AGAP1: variants seen among roughly 807,000 people sequenced by gnomAD.
AGAP1 encodes the protein arf-GAP with GTPase, ANK repeat and PH domain-containing protein 1.
In AGAP1, 29 loss-of-function variants were observed where a neutral mutation model predicts 105.3. The observed-to-expected ratio is 0.28, with a 90% CI of 0.21 to 0.38. The LOEUF is 0.38. AGAP1 is among the 10% of genes least tolerant of loss of function. The pLI, the probability that AGAP1 is intolerant of heterozygous loss-of-function variation, is 1.00. For missense variants in AGAP1, 998 were observed against 1,165.1 expected (o/e 0.86, Z 2.09); for synonymous variants, 509 against 485.9 (o/e 1.05, Z -0.63).
chr2:235,708,811 A>G (rs958899000), intron 1 of AGAP1, among the ~76,000 whole-genome samples: 11 of 152,222 alleles, frequency 7.2e-5, no homozygotes, highest in African/African-American at 9.6e-5. Flanking sequence ...TCGGAAAGCT[A>G]GGTGTGTCCT....
rs960007815 is a variant in AGAP1, at chr2:235,609,869, G to A, written c.164-99310G>A. ...TCTTGGCTTCGTGTTTCAGAGGTTG[G>A]TAAATGGAGTCTTGCTCGCCAGGTG... On this transcript the variant is annotated intron_variant, in intron 1 of 17. Transcript: ENST00000304032. The surrounding 1 kb of genome is among the most constrained non-coding windows in gnomAD (Gnocchi z 5.1). 2.0e-5 allele frequency among the ~76,000 whole-genome samples: 3 copies of A among 152,104 alleles called. No individual in the cohort carries two copies. Among genetic ancestry groups the A allele is most frequent in the African/African-American group, 4.8e-5 (2 of 41,408 alleles).
rs749426022 is a variant in AGAP1 at position 235,967,473 on chromosome 2, T to C, written c.1484-989T>C. Among the ~76,000 whole-genome samples, 1 of 152,166 alleles carries C rather than the reference T, an allele frequency of 6.6e-6. No homozygotes were observed. Among genetic ancestry groups the C allele is most frequent in the Non-Finnish European group, 1.5e-5 (1 of 68,030 alleles). On this transcript the variant is annotated intron_variant, in intron 12 of 17. Transcript: ENST00000304032. The surrounding 1 kb of genome is among the most constrained non-coding windows in gnomAD (Gnocchi z 4.7). ...GCCACTCCACTTTACAGAGTCCCCATTGGGGCAGGAATGTTTATCTGTTTC... is the reference window on the plus strand; with the variant it reads ...GCCACTCCACTTTACAGAGTCCCCACTGGGGCAGGAATGTTTATCTGTTTC...
rs892611726 is a variant in AGAP1 at position 235,622,924 on chromosome 2, A to G, written c.164-86255A>G. Among the ~76,000 whole-genome samples the G allele has an allele frequency of 7.9e-5, 12 of 152,030 alleles. 1 individual carries two copies. In the South Asian group the frequency reaches 2.3e-3, roughly 29 times the overall value. On this transcript the variant is annotated intron_variant, in intron 1 of 17. Transcript: ENST00000304032. This position sits in a 1 kb window ranked among gnomAD's most constrained non-coding sequence, Gnocchi z 5.0. The stretch of plus-strand genomic sequence containing the variant: ...TCACGGTCCTATTGGCATGAGAACC[A>G]CGTCCCCAGCTATTCCCACCTGCAC...
chr2:235,942,898 G>T (rs2053326794), intron 12 of AGAP1, among the ~76,000 whole-genome samples: 1 of 151,944 alleles, frequency 6.6e-6, no homozygotes, highest in Non-Finnish European at 1.5e-5. Flanking sequence ...ACCAACCTGG[G>T]CAACATGGAG....
intron 13 of AGAP1, among the ~76,000 whole-genome samples, chr2:236,030,611 C>T (rs1055274790): frequency 6.6e-6 from 1 of 152,192 alleles, no homozygotes; most frequent in Non-Finnish European, 1.5e-5. Flanking sequence ...GCACTTTAGG[C>T]TCACAATTCT....
At chr2:235,676,057 CAT>C (rs979563633) in intron 1 of AGAP1, among the ~76,000 whole-genome samples, 2 of 152,172 alleles carry the variant, frequency 1.3e-5, no homozygotes, top group Admixed American at 6.5e-5. Flanking sequence ...CATTAACAAA[CAT>C]ATATTGCATG....
intron 12 of AGAP1, among the ~76,000 whole-genome samples, chr2:235,950,875 G>A (rs545996862): frequency 2.8e-4 from 40 of 142,692 alleles, no homozygotes; most frequent in Non-Finnish European, 5.4e-4. Flanking sequence ...TGTAACTCGG[G>A]ATCTCCAAGC....
At chr2:235,810,907 G>C (rs771585748) in intron 9 of AGAP1, among the ~76,000 whole-genome samples, 2 of 148,846 alleles carry the variant, frequency 1.3e-5, no homozygotes, top group Non-Finnish European at 3.0e-5. Flanking sequence ...GAAAAAGCCA[G>C]AGGCCCGGCT....
chr2:235,686,562 C>T (rs1479334044), intron 1 of AGAP1, among the ~76,000 whole-genome samples: 1 of 92,458 alleles, frequency 1.1e-5, no homozygotes, highest in African/African-American at 3.6e-5. Context: ...TATATACACA[C>T]ACACACACAC....
intron 1 of AGAP1, among the ~76,000 whole-genome samples, chr2:235,592,134 G>A (rs527733423): frequency 8.5e-5 from 13 of 152,358 alleles, no homozygotes; most frequent in South Asian, 6.2e-4. Context: ...CCTGGACAGC[G>A]CCCTGTGGCC....
chr2:235,535,091 C>G lies in AGAP1; in HGVS notation c.163+40242C>G, dbSNP rs1943166451. Among the ~76,000 whole-genome samples the G allele has an allele frequency of 6.6e-6, 1 of 152,110 alleles. No homozygotes were observed. ...CTGCAGATGTAAAACGACCTGCTCC[C>G]CCAGGTGAATGGATTCTCGCCAGGG... On this transcript the variant is annotated intron_variant, in intron 1 of 17. Coordinates refer to ENST00000304032, the MANE Select transcript of AGAP1 (RefSeq NM_001037131.3). The surrounding 1 kb of genome is among the most constrained non-coding windows in gnomAD (Gnocchi z 5.1).
intron 3 of AGAP1, among the ~76,000 whole-genome samples, chr2:235,735,235 G>A (rs1952181390): frequency 6.6e-6 from 1 of 152,222 alleles, no homozygotes; most frequent in African/African-American, 2.4e-5. Flanking sequence ...ATAGCTTTCA[G>A]TTCAATTAGC....
intron 8 of AGAP1, among the ~76,000 whole-genome samples, chr2:235,802,814 G>A (rs1352385059): frequency 0.29 from 576 of 2,006 alleles, 4 homozygotes; most frequent in Admixed American, 0.34. Flanking sequence ...GGTGGTGGTG[G>A]TGATGTTGTG....
intron 1 of AGAP1, among the ~76,000 whole-genome samples, chr2:235,583,162 A>G (rs1944990114): frequency 6.7e-6 from 1 of 149,986 alleles, no homozygotes; most frequent in South Asian, 2.1e-4. Context: ...CTGGGTTTTA[A>G]TGTAAACTCA....
At chr2:235,999,750 G>C (rs2056031243) in intron 13 of AGAP1, among the ~76,000 whole-genome samples, 1 of 151,920 alleles carries the variant, frequency 6.6e-6, no homozygotes, top group South Asian at 2.1e-4. Context: ...GTATGGTGGT[G>C]ATGATGCTGA....
In AGAP1 at chr2:235,555,699, C is replaced by G. The variant is rs780197753; in HGVS notation, c.163+60850C>G. ...CCACATTTTTGAACTTCTGCTTTGG[C>G]CTTGTCAGTCTCCTTCTGTGATTCA... On this transcript the variant is annotated intron_variant, in intron 1 of 17. Transcript: ENST00000304032. This position sits in a 1 kb window ranked among gnomAD's most constrained non-coding sequence, Gnocchi z 5.1. Among the ~76,000 whole-genome samples, 1 of 152,154 alleles carries G rather than the reference C, an allele frequency of 6.6e-6. No homozygotes were observed. The highest frequency in any genetic ancestry group is 1.5e-5 in the Non-Finnish European group (1 of 68,030).
chr2:236,093,535 A>T lies in AGAP1; in HGVS notation c.2115-26657A>T, dbSNP rs540592114. 2.1e-4 allele frequency among the ~76,000 whole-genome samples: 32 copies of T among 152,352 alleles called. No individual in the cohort carries two copies. In the East Asian group the frequency reaches 6.2e-3, roughly 29 times the overall value. ...AATAGAAATAGCTTGAAATCCTCAA[A>T]ATACCAATGTAAAGAAAGACCAAAA... On this transcript the variant is annotated intron_variant, in intron 16 of 17. Coordinates refer to ENST00000304032, the MANE Select transcript of AGAP1 (RefSeq NM_001037131.3).
chr2:236,013,038 G>A (rs1438793939), intron 13 of AGAP1, among the ~76,000 whole-genome samples: 2 of 152,052 alleles, frequency 1.3e-5, no homozygotes, highest in East Asian at 3.9e-4. Context: ...TGAGGACCTG[G>A]CCTATTTGTT....
rs939476342 is a variant in AGAP1 at position 235,623,422 on chromosome 2, G to T, written c.164-85757G>T. Among the ~76,000 whole-genome samples the T allele has an allele frequency of 6.6e-6, 1 of 152,198 alleles. No homozygotes were observed. Among genetic ancestry groups the T allele is most frequent in the Non-Finnish European group, 1.5e-5 (1 of 68,028 alleles). ...ATGGTGGGTTATTAGACTTCACTTG[G>T]TCTGCACGTGGTGGCTTTGGGATTT... On this transcript the variant is annotated intron_variant, in intron 1 of 17. Transcript: ENST00000304032. This position sits in a 1 kb window ranked among gnomAD's most constrained non-coding sequence, Gnocchi z 4.5.
Sources: gnomAD v4.1 joint callset for allele counts (sites outside exome capture counted in the v4.1 genomes callset) on GRCh38, gnomAD v4.1.1 for gene constraint, Gnocchi (gnomAD v3.1) non-coding constraint, MANE v1.5 for transcripts, NCBI Gene and HGNC (gene_info 2026-07-23, HGNC 2026-07-21) for gene names.